The following SCD5 variants were observed in gnomAD, a reference collection of about 807,000 sequenced individuals.
SCD5 encodes stearoyl-CoA desaturase 5, also known as acyl-CoA-desaturase 4.
A neutral mutation model predicts 30.4 loss-of-function variants in SCD5; 20 were observed. That is an observed-to-expected ratio of 0.66 (90% CI 0.46 to 0.96). SCD5 has a LOEUF of 0.96. Ranked by LOEUF, SCD5 falls within the 40% of genes least tolerant of loss-of-function variation. The pLI, the probability that SCD5 is intolerant of heterozygous loss-of-function variation, is 0.00. For missense variants in SCD5, 381 were observed against 443.3 expected, an observed-to-expected ratio of 0.86 and a Z score of 1.26; for synonymous variants, 173 against 176.4, an observed-to-expected ratio of 0.98 and a Z score of 0.16.
At chr4:82,691,194 T>C (rs1728828430) in intron 2 of SCD5, among the ~76,000 whole-genome samples, 1 of 152,038 alleles carries the variant, frequency 6.6e-6, no homozygotes, top group South Asian at 2.1e-4. Context: ...CCCAGCTAAT[T>C]TTTGTATTTT....
At chr4:82,762,293 C>A (rs1425423209) in intron 1 of SCD5, among the ~76,000 whole-genome samples, 2 of 150,998 alleles carry the variant, frequency 1.3e-5, no homozygotes, top group Non-Finnish European at 3.0e-5. Flanking sequence ...CACTCTGTTG[C>A]CCAGGCTGGT....
intron 2 of SCD5, among the ~76,000 whole-genome samples, chr4:82,700,856 A>G (rs1719820424): frequency 6.7e-6 from 1 of 149,420 alleles, no homozygotes; most frequent in East Asian, 2.0e-4. Context: ...AATTGAGGGA[A>G]TTTGTCACCA....
chr4:82,681,547 A>G (rs1232950629), intron 2 of SCD5, among the ~76,000 whole-genome samples: 1 of 152,208 alleles, frequency 6.6e-6, no homozygotes, highest in Non-Finnish European at 1.5e-5. Context: ...CAGTAATCCG[A>G]ATACCACTGT....
intron 1 of SCD5, among the ~76,000 whole-genome samples, chr4:82,747,923 A>T (rs1316799275): frequency 6.6e-6 from 1 of 152,216 alleles, no homozygotes; most frequent in Non-Finnish European, 1.5e-5. Flanking sequence ...GAAGAGAGAG[A>T]GGAAGAGCTG....
chr4:82,715,403 G>A lies in SCD5; in HGVS notation c.233-9990C>T, dbSNP rs147888768. Among the ~76,000 whole-genome samples the A allele has an allele frequency of 1.3e-4, 20 of 151,492 alleles. No individual in the cohort carries two copies. In the South Asian group the frequency reaches 2.3e-3, roughly 17 times the overall value. ...ATGCTGCTCTGTGCCCCAGGAGGCC[G>A]GCCTGTGCTGAACCGATGGGCTTCC... On this transcript the variant is annotated intron_variant, in intron 1 of 4. Transcript: ENST00000319540.
chr4:82,727,030 T>C (rs1443905193), intron 1 of SCD5, among the ~76,000 whole-genome samples: 1 of 152,172 alleles, frequency 6.6e-6, no homozygotes, highest in African/African-American at 2.4e-5. Context: ...TAAATAATCA[T>C]GACAGGATAA....
intron 3 of SCD5, among the ~76,000 whole-genome samples, chr4:82,668,134 G>A (rs1728231425): frequency 6.6e-6 from 1 of 152,164 alleles, no homozygotes. Flanking sequence ...AGAACATCAT[G>A]GCATTAAGAA....
chr4:82,688,283 C>T (rs1728754712), intron 2 of SCD5, among the ~76,000 whole-genome samples: 1 of 152,002 alleles, frequency 6.6e-6, no homozygotes, highest in Non-Finnish European at 1.5e-5. Context: ...TGCATGCATG[C>T]ATGTACATGT....
intron 3 of SCD5, among the ~76,000 whole-genome samples, chr4:82,667,284 A>ACACG (rs1553915102): frequency 0.014 from 2,170 of 150,556 alleles, 47 homozygotes; most frequent in African/African-American, 0.044. Context: ...ACACACACAC[A>ACACG]CACGCACGCA....
At chr4:82,712,297 T>TATATATACATA (rs1560540874) in intron 1 of SCD5, among the ~76,000 whole-genome samples, 3 of 33,742 alleles carry the variant, frequency 8.9e-5, no homozygotes, top group Non-Finnish European at 1.3e-4. Context: ...TATATATATA[T>TATATATACATA]TTTATTTTTA....
intron 1 of SCD5, among the ~76,000 whole-genome samples, chr4:82,782,496 T>C (rs1206028362): frequency 6.6e-6 from 1 of 152,072 alleles, no homozygotes; most frequent in East Asian, 1.9e-4. Context: ...AAAGAAGGTT[T>C]CCTGTTCCTC....
intron 3 of SCD5, among the ~76,000 whole-genome samples, chr4:82,643,181 G>C (rs568885388): frequency 6.6e-6 from 1 of 152,178 alleles, no homozygotes; most frequent in Non-Finnish European, 1.5e-5. Flanking sequence ...AAGTGGCACA[G>C]CCACTGCAGG....
intron 3 of SCD5, among the ~76,000 whole-genome samples, chr4:82,677,215 G>T (rs1728456445): frequency 6.6e-6 from 1 of 152,182 alleles, no homozygotes; most frequent in Non-Finnish European, 1.5e-5. Context: ...TTGCACCCTG[G>T]GAGTGTGGTG....
intron 1 of SCD5, among the ~76,000 whole-genome samples, chr4:82,734,334 A>G (rs535558260): frequency 1.3e-5 from 2 of 152,354 alleles, no homozygotes; most frequent in South Asian, 4.1e-4. Flanking sequence ...CCAAGTAGGT[A>G]AAGCTCTGTC....
At chr4:82,702,852 T>G (rs1719883131) in intron 2 of SCD5, among the ~76,000 whole-genome samples, 1 of 152,216 alleles carries the variant, frequency 6.6e-6, no homozygotes, top group Non-Finnish European at 1.5e-5. Context: ...CCTCATAGGG[T>G]TAAGTGGTTT....
chr4:82,689,304 A>G (rs894270998), intron 2 of SCD5, among the ~76,000 whole-genome samples: 3 of 152,172 alleles, frequency 2.0e-5, no homozygotes, highest in African/African-American at 7.2e-5. Flanking sequence ...GTGCATCTGT[A>G]ATCCCAGCTA....
chr4:82,680,729 G>T lies in SCD5; in HGVS notation c.547C>A (p.Pro183Thr), dbSNP rs1229339957. 6.2e-7 allele frequency: 1 copy of T among 1,614,130 alleles called. No individual in the cohort carries two copies. Among genetic ancestry groups the T allele is most frequent in the South Asian group, 1.1e-5 (1 of 91,078 alleles). ...KLDVTDLLAD[P>T]VVRIQRKYYK... The stretch of plus-strand genomic sequence containing the variant: ...TACTTTCTCTGGATCCGGACCACAG[G>T]ATCAGCAAGCAGGTCAGTGACGTCA... Residue 183 changes from proline (P) to threonine (T), a missense_variant, in exon 3 of 5, where the codon CCT (proline) becomes ACT (threonine). Pro to Thr is a conservative substitution (Grantham distance 38). Coordinates refer to ENST00000319540, the MANE Select transcript of SCD5 (RefSeq NM_001037582.3).
intron 1 of SCD5, among the ~76,000 whole-genome samples, chr4:82,758,688 G>A (rs1347492719): frequency 2.0e-5 from 3 of 152,108 alleles, no homozygotes; most frequent in Non-Finnish European, 4.4e-5. Context: ...TTTGGTGCGG[G>A]TGAGGGACAC....
chr4:82,796,255 G>A (rs1236614244), intron 1 of SCD5, among the ~76,000 whole-genome samples: 1 of 148,514 alleles, frequency 6.7e-6, no homozygotes, highest in East Asian at 2.0e-4. Context: ...GGGCGACAGA[G>A]CGAGACTCTG....
Sources: allele counts gnomAD v4.1 joint callset (sites outside exome capture counted in the v4.1 genomes callset), GRCh38; gene constraint gnomAD v4.1.1; transcripts MANE v1.5; gene names NCBI Gene and HGNC (gene_info 2026-07-23, HGNC 2026-07-21).